CDH13: variants seen among roughly 807,000 people sequenced by gnomAD.
CDH13 encodes the protein cadherin-13.
CDH13 carries 24 observed loss-of-function variants against 63.8 expected under a neutral mutation model. That is an observed-to-expected ratio of 0.38 (90% CI 0.27 to 0.53). The LOEUF (loss-of-function observed/expected upper bound fraction) is 0.53. Ranked by LOEUF, CDH13 falls within the 20% of genes least tolerant of loss-of-function variation. The probability of loss-of-function intolerance (pLI) is 0.85; values close to 1 mark genes in which losing one functional copy is unlikely to be tolerated. For synonymous variants in CDH13, 503 were observed against 355.3 expected (o/e 1.42, Z -4.67); for missense variants, 1,049 against 903.1 (o/e 1.16, Z -2.07).
chr16:83,193,641 C>G (rs1342072915), intron 4 of CDH13, among the ~76,000 whole-genome samples: 1 of 152,198 alleles, frequency 6.6e-6, no homozygotes, highest in Non-Finnish European at 1.5e-5. Flanking sequence ...AGCTTGAGAG[C>G]TCCTGTCTTC....
intron 11 of CDH13, among the ~76,000 whole-genome samples, chr16:83,779,406 CAAAAAAAAA>C (rs144757645): frequency 1.2e-4 from 10 of 82,548 alleles, no homozygotes; most frequent in African/African-American, 5.6e-4. Flanking sequence ...GACTCCATCT[CAAAAAAAAA>C]AAAAAAAAAA....
intron 7 of CDH13, among the ~76,000 whole-genome samples, chr16:83,512,992 G>C (rs1404085390): frequency 6.6e-6 from 1 of 150,420 alleles, no homozygotes; most frequent in African/African-American, 2.4e-5. Context: ...GCTAAATCCA[G>C]GAAGTATTTC....
chr16:83,505,401 G>A (rs2074372413), intron 7 of CDH13, among the ~76,000 whole-genome samples: 1 of 152,040 alleles, frequency 6.6e-6, no homozygotes. Flanking sequence ...CCTCCCCCAG[G>A]ACCCTCCCAG....
At chr16:83,131,715 C>T (rs997681407) in intron 4 of CDH13, among the ~76,000 whole-genome samples, 6 of 152,152 alleles carry the variant, frequency 3.9e-5, no homozygotes, top group Non-Finnish European at 7.3e-5. Context: ...AGAGATTCTG[C>T]TTTCATCACA....
chr16:82,877,956 CACACATAT>C lies in CDH13; in HGVS notation c.157+19489_157+19496del, dbSNP rs773019459. On this transcript the variant is annotated intron_variant, in intron 2 of 13. Transcript: ENST00000567109. ...ACACACACACACACACACACACACA[CACACATAT>C]ACACACACACACACTCTATATATGT... is the stretch of plus-strand genomic sequence containing the variant. 0.029 allele frequency among the ~76,000 whole-genome samples: 2,871 copies of C among 100,124 alleles called. 72 individuals are homozygous for C. In the East Asian group the frequency reaches 0.4, roughly 14 times the overall value. The allele number at this position is 100,124 out of a possible 152,430, so 65.7% of individuals were successfully genotyped here.
intron 2 of CDH13, among the ~76,000 whole-genome samples, chr16:82,978,644 C>G (rs562030313): frequency 2.6e-4 from 40 of 152,356 alleles, no homozygotes; most frequent in Non-Finnish European, 2.8e-4. Context: ...ACACAGAAGT[C>G]AGTAATTGAG....
At chr16:83,777,046 G>C (rs567653113) in intron 11 of CDH13, among the ~76,000 whole-genome samples, 7 of 152,214 alleles carry the variant, frequency 4.6e-5, no homozygotes, top group South Asian at 2.1e-4. Flanking sequence ...TCTGCTCTTC[G>C]GGCAGCCTCA....
intron 8 of CDH13, among the ~76,000 whole-genome samples, chr16:83,615,158 A>G (rs1369663093): frequency 6.6e-6 from 1 of 152,136 alleles, no homozygotes; most frequent in African/African-American, 2.4e-5. Flanking sequence ...CCAGTCCTCC[A>G]GGATTCCGTG....
intron 2 of CDH13, among the ~76,000 whole-genome samples, chr16:82,968,801 A>G (rs1908256522): frequency 6.6e-6 from 1 of 152,274 alleles, no homozygotes; most frequent in Non-Finnish European, 1.5e-5. Context: ...CCTTTCACAA[A>G]TGGGTTTTTA....
intron 1 of CDH13, among the ~76,000 whole-genome samples, chr16:82,735,463 C>T (rs1368467933): frequency 1.3e-5 from 2 of 152,230 alleles, no homozygotes; most frequent in Non-Finnish European, 2.9e-5. Flanking sequence ...TATGCGACTT[C>T]ATGAACTAGA....
At chr16:83,524,050 A>T (rs982888740) in intron 7 of CDH13, among the ~76,000 whole-genome samples, 5 of 152,170 alleles carry the variant, frequency 3.3e-5, no homozygotes, top group African/African-American at 9.7e-5. Context: ...CCCACAGGAG[A>T]TGAGCTTTAT....
intron 8 of CDH13, among the ~76,000 whole-genome samples, chr16:83,650,504 G>GAC (rs958251006): frequency 6.6e-6 from 1 of 152,206 alleles, no homozygotes; most frequent in Non-Finnish European, 1.5e-5. Context: ...AGGGAGACCT[G>GAC]ACACACACAT....
chr16:82,699,788 C>G (rs2030767308), intron 1 of CDH13, among the ~76,000 whole-genome samples: 1 of 152,246 alleles, frequency 6.6e-6, no homozygotes, highest in Admixed American at 6.5e-5. Flanking sequence ...TCTCTTTTGT[C>G]TATGCCAAAT....
chr16:82,694,124 T>A, intron 1 of CDH13, among the ~76,000 whole-genome samples: 1 of 152,190 alleles, frequency 6.6e-6, no homozygotes, highest in East Asian at 1.9e-4. Context: ...TAATTCTGTC[T>A]CCCCAGTTAA....
chr16:82,708,941 G>A (rs931014551), intron 1 of CDH13, among the ~76,000 whole-genome samples: 9 of 152,162 alleles, frequency 5.9e-5, no homozygotes, highest in South Asian at 2.1e-4. Flanking sequence ...TTTGGCAACC[G>A]TGAATCTATT....
intron 2 of CDH13, among the ~76,000 whole-genome samples, chr16:82,940,889 A>T (rs1027818485): frequency 6.6e-6 from 1 of 152,208 alleles, no homozygotes; most frequent in Admixed American, 6.5e-5. Flanking sequence ...TTATTCAGAT[A>T]AAAGCCTCAG....
intron 10 of CDH13, among the ~76,000 whole-genome samples, chr16:83,714,991 T>G (rs1908667814): frequency 6.6e-6 from 1 of 152,190 alleles, no homozygotes; most frequent in Non-Finnish European, 1.5e-5. Flanking sequence ...GTACTTGTTA[T>G]TTGCTGAGCA....
At chr16:82,900,412 C>T (rs1264052062) in intron 2 of CDH13, among the ~76,000 whole-genome samples, 1 of 112,768 alleles carries the variant, frequency 8.9e-6, no homozygotes, top group African/African-American at 3.6e-5. Flanking sequence ...CCAAGTGTGG[C>T]CTGGTTCAAG....
chr16:83,418,038 A>G (rs1019605355), intron 6 of CDH13, among the ~76,000 whole-genome samples: 1 of 152,050 alleles, frequency 6.6e-6, no homozygotes, highest in African/African-American at 2.4e-5. Context: ...TCTTCCAGAC[A>G]CTTTCTCCTT....
Sources: gnomAD v4.1 joint callset for allele counts (sites outside exome capture counted in the v4.1 genomes callset) on GRCh38, gnomAD v4.1.1 for gene constraint, MANE v1.5 for transcripts, NCBI Gene and HGNC (gene_info 2026-07-23, HGNC 2026-07-21) for gene names.